The following MAP3K6 variants were observed in gnomAD, a reference collection of about 807,000 sequenced individuals.
MAP3K6 encodes the protein mitogen-activated protein kinase kinase kinase 6.
Under a neutral mutation model 147.1 loss-of-function variants are expected in MAP3K6, and 105 were observed. The observed-to-expected ratio is 0.71, with a 90% CI of 0.61 to 0.84. The LOEUF is 0.84. Ranked by LOEUF, MAP3K6 falls within the 40% of genes least tolerant of loss-of-function variation. The pLI is 0.00. For synonymous variants in MAP3K6, 695 were observed against 732.4 expected (o/e 0.95, Z 0.82); for missense variants, 1,569 against 1,715.0 (o/e 0.91, Z 1.50).
In MAP3K6 at chr1:27,362,928, C is replaced by T. The variant is rs777184773; in HGVS notation, c.1065G>A (p.Met355Ile). The T allele has an allele frequency of 5.0e-6, 8 of 1,614,050 alleles. No individual in the cohort carries two copies. The East Asian group carries it at 1.6e-4, about 31-fold the overall frequency. ...EGSVAPDLYCMCGRIYKDMFF... is the reference protein window; with the variant it reads ...EGSVAPDLYCICGRIYKDMFF... ...ACATGTCCTTGTAGATACGGCCACA[C>T]ATGCAGTACAGATCGGGCGCCACAG... Residue 355 changes from methionine to isoleucine, a missense_variant, in exon 7 of 29, where the codon ATG becomes ATA. Physicochemically the swap from Met to Ile is conservative, Grantham distance 10 (BLOSUM62 1). Coordinates refer to ENST00000357582, the MANE Select transcript of MAP3K6 (RefSeq NM_004672.5).
At chr1:27,363,364 G>A (rs1490341562) in intron 6 of MAP3K6, 78 bp downstream of exon 6, 2 of 1,201,340 alleles carry the variant, frequency 1.7e-6, no homozygotes, top group Non-Finnish European at 2.4e-6. Context: ...ATCCCAGACA[G>A]CAATGGCTTT....
In MAP3K6 at chr1:27,356,263, A is replaced by G. The variant is rs945574147; in HGVS notation, c.3637+125T>C. ...GCTAGAAGCTGCCTCGAACCCACCA[A>G]TAATGTTCTCCCGCCAAGGCCCGCT... On this transcript the variant is annotated intron_variant, in intron 26 of 28. Transcript: ENST00000357582. The G allele has an allele frequency of 3.6e-6, 4 of 1,120,386 alleles. No homozygotes were observed. In the African/African-American group the frequency reaches 4.7e-5, roughly 13 times the overall value. The allele number at this position is 1,120,386 out of a possible 1,614,324, so 69.4% of individuals were successfully genotyped here.
At position 27,360,788 on chromosome 1, in the gene MAP3K6, G is replaced by A; in HGVS notation, c.1971C>T (p.Gly657=). Residue 657 remains glycine, a synonymous_variant, in exon 15 of 29, where the codon GGC becomes GGT. Coordinates refer to ENST00000357582, the MANE Select transcript of MAP3K6 (RefSeq NM_004672.5). This position sits in a 1 kb window ranked among gnomAD's most constrained non-coding sequence, Gnocchi z 4.5. Reference sequence around the variant, plus strand: ...GGCCCGCGTACACCACCCCATACGTGCCCTTGCCCAGCACCAGCCGCTCGC... The same window carrying A: ...GGCCCGCGTACACCACCCCATACGTACCCTTGCCCAGCACCAGCCGCTCGC... The part of the protein sequence containing the change: ...ETGERLVLGK[G]TYGVVYAGRD... 6.2e-7 allele frequency: 1 copy of A among 1,612,724 alleles called. No homozygotes were observed. The highest frequency in any genetic ancestry group is 8.5e-7 in the Non-Finnish European group (1 of 1,179,876).
At position 27,361,810 on chromosome 1, in the gene MAP3K6, T is replaced by G; in HGVS notation, c.1473A>C (p.Pro491=). ...FLLYQHFRPT[P]EPPGGPPRRA... ...GGCGTGGTGGCCCTCCAGGGGGCTC[T>G]GGCGTGGGCCTGAAGTGCTGGTAGA... The change falls in exon 10 of 29, where the codon CCA becomes CCC. Residue 491 remains proline, a synonymous_variant. Coordinates refer to ENST00000357582, the MANE Select transcript of MAP3K6 (RefSeq NM_004672.5). 7.5e-6 allele frequency: 12 copies of G among 1,606,900 alleles called. No homozygotes were observed. Among genetic ancestry groups the G allele is most frequent in the Non-Finnish European group, 1.0e-5 (12 of 1,176,246 alleles).
chr1:27,366,254 T>A lies in MAP3K6; in HGVS notation c.340+4A>T. 1 of 1,318,206 alleles carries A rather than the reference T, an allele frequency of 7.6e-7. No individual in the cohort carries two copies. The highest frequency in any genetic ancestry group is 9.7e-7 in the Non-Finnish European group (1 of 1,035,278). The allele number at this position is 1,318,206 out of a possible 1,614,324, so 81.7% of individuals were successfully genotyped here. A position where few individuals can be genotyped will look rare whatever the true frequency, so the allele number is the denominator to read the frequency against. The stretch of plus-strand genomic sequence containing the variant: ...GGATCCGGCCCCGCCCCCAGCGCTC[T>A]CACCCGCGTTGTAGAAGGCATCCAG... On this transcript the variant is annotated splice_donor_region_variant and intron_variant, in intron 1 of 28. Transcript: ENST00000357582. This position sits in a 1 kb window ranked among gnomAD's most constrained non-coding sequence, Gnocchi z 5.5.
At chr1:27,363,618 T>G in intron 5 of MAP3K6, 70 bp from the exon 6 acceptor site, 1 of 1,248,184 alleles carries the variant, frequency 8.0e-7, no homozygotes, top group South Asian at 1.4e-5. Flanking sequence ...GCCAGGGTCC[T>G]GTCCCACTCC....
At position 27,361,806 on chromosome 1, in the gene MAP3K6, G is replaced by C. The variant is rs777288900; in HGVS notation, c.1477C>G (p.Pro493Ala). The C allele has an allele frequency of 3.7e-6, 6 of 1,607,626 alleles. No individual in the cohort carries two copies. The African/African-American group carries it at 8.0e-5, about 21-fold the overall frequency. ...LYQHFRPTPE[P>A]PGGPPRRAHF... ...GCACGGCGTGGTGGCCCTCCAGGGG[G>C]CTCTGGCGTGGGCCTGAAGTGCTGG... The change falls in exon 10 of 29, where the codon CCC becomes GCC. Residue 493 changes from proline (P) to alanine (A), a missense_variant. Coordinates refer to ENST00000357582, the MANE Select transcript of MAP3K6 (RefSeq NM_004672.5).
chr1:27,356,297 G>A (rs1455922507), intron 26 of MAP3K6, 91 bp downstream of exon 26: 1 of 1,296,084 alleles, frequency 7.7e-7, no homozygotes, highest in East Asian at 2.5e-5. Context: ...CTCAGGTGAT[G>A]AGCCCAAGTC....
In MAP3K6 at chr1:27,364,148, CCACCATACCCT is replaced by C; in HGVS notation, c.695+45_695+55del. 1 of 1,597,944 alleles carries C rather than the reference CCACCATACCCT, an allele frequency of 6.3e-7. No homozygotes were observed. Among genetic ancestry groups the C allele is most frequent in the South Asian group, 1.1e-5 (1 of 89,776 alleles). On this transcript the variant is annotated intron_variant, in intron 4 of 28. Coordinates refer to ENST00000357582, the MANE Select transcript of MAP3K6 (RefSeq NM_004672.5). This position sits in a 1 kb window ranked among gnomAD's most constrained non-coding sequence, Gnocchi z 4.4. ...GTGGGGCCTGTACCTCAGCCCCAGC[CCACCATACCCT>C]CACCAGCCCCCTCCTGGAGCACCCT...
At position 27,361,543 on chromosome 1, in the gene MAP3K6, T is replaced by A; in HGVS notation, c.1663A>T (p.Ser555Cys). The change falls in exon 11 of 29, where the codon AGC becomes TGC. Residue 555 changes from serine to cysteine, a missense_variant. Coordinates refer to ENST00000357582, the MANE Select transcript of MAP3K6 (RefSeq NM_004672.5). Reference sequence around the variant, plus strand: ...ACCTGGGTCTCAGGCTCCAGCAGGCTCAGGGTCACTGTGCTTACTGGGTCA... The same window carrying A: ...ACCTGGGTCTCAGGCTCCAGCAGGCACAGGGTCACTGTGCTTACTGGGTCA... The part of the protein sequence containing the change: ...GTDPVSTVTL[S>C]LLEPETQDIP... The A allele has an allele frequency of 6.2e-7, 1 of 1,614,158 alleles. No homozygotes were observed. Among genetic ancestry groups the A allele is most frequent in the South Asian group, 1.1e-5 (1 of 91,084 alleles).
intron 6 of MAP3K6, among the ~76,000 whole-genome samples, 166 bp downstream of exon 6, chr1:27,363,276 C>T (rs1264114154): frequency 2.0e-5 from 3 of 152,048 alleles, no homozygotes; most frequent in Non-Finnish European, 2.9e-5. Flanking sequence ...CCACCCCGAC[C>T]CAGGCAGCAG....
In MAP3K6 at chr1:27,366,129, T is replaced by G. The variant is rs1056890191; in HGVS notation, c.340+129A>C. On this transcript the variant is annotated intron_variant, in intron 1 of 28. Coordinates refer to ENST00000357582, the MANE Select transcript of MAP3K6 (RefSeq NM_004672.5). The surrounding 1 kb of genome is among the most constrained non-coding windows in gnomAD (Gnocchi z 5.5). ...CGGCCCTGTCCCAAGCCCTTCAGCT[T>G]TAGCTCACTTTAAGTCCCCTAGACC... 6.0e-6 allele frequency: 6 copies of G among 1,004,806 alleles called. No individual in the cohort carries two copies. The highest frequency in any genetic ancestry group is 8.7e-5 in the Admixed American group (2 of 22,942). 62.2% of individuals were successfully genotyped at this position (1,004,806 alleles called of 1,614,324 possible).
chr1:27,358,619 G>A lies in MAP3K6; in HGVS notation c.2584-8C>T, dbSNP rs1385028069. 1 of 1,613,614 alleles carries A rather than the reference G, an allele frequency of 6.2e-7. No individual in the cohort carries two copies. Among genetic ancestry groups the A allele is most frequent in the African/African-American group, 1.3e-5 (1 of 75,040 alleles). Reference sequence around the variant, plus strand: ...GACCTTGTACATACCCACCTGTGGGGGGAGGGTGAACAAGGGTGACATTCA... The same window carrying A: ...GACCTTGTACATACCCACCTGTGGGAGGAGGGTGAACAAGGGTGACATTCA... On this transcript the variant is annotated splice_polypyrimidine_tract_variant and splice_region_variant and intron_variant, in intron 19 of 28. Coordinates refer to ENST00000357582, the MANE Select transcript of MAP3K6 (RefSeq NM_004672.5). This position sits in a 1 kb window ranked among gnomAD's most constrained non-coding sequence, Gnocchi z 6.2.
In MAP3K6 at chr1:27,364,117, A is replaced by G; in HGVS notation, c.696-32T>C. ...CCCAGGGTAGGGGAGGCAGGGAGAGAGAATGGTGGGGCCTGTACCTCAGCC... is the reference window on the plus strand; with the variant it reads ...CCCAGGGTAGGGGAGGCAGGGAGAGGGAATGGTGGGGCCTGTACCTCAGCC... On this transcript the variant is annotated intron_variant, in intron 4 of 28. Transcript: ENST00000357582. This position sits in a 1 kb window ranked among gnomAD's most constrained non-coding sequence, Gnocchi z 4.4. 1 of 1,605,414 alleles carries G rather than the reference A, an allele frequency of 6.2e-7. No homozygotes were observed. Among genetic ancestry groups the G allele is most frequent in the East Asian group, 2.2e-5 (1 of 44,712 alleles).
chr1:27,364,716 T>C lies in MAP3K6; in HGVS notation c.481-32A>G. 2 of 1,614,122 alleles carry C rather than the reference T, an allele frequency of 1.2e-6. No individual in the cohort carries two copies. Among genetic ancestry groups the C allele is most frequent in the Non-Finnish European group, 1.7e-6 (2 of 1,179,996 alleles). On this transcript the variant is annotated intron_variant, in intron 2 of 28. Coordinates refer to ENST00000357582, the MANE Select transcript of MAP3K6 (RefSeq NM_004672.5). The surrounding 1 kb of genome is among the most constrained non-coding windows in gnomAD (Gnocchi z 4.4). ...GAGGCAGACAGTCAGATACTGGTGT[T>C]CTGTGTAGGCCTTACCCCAGCCCTG...
rs1215893364 is a variant in MAP3K6 at position 27,366,010 on chromosome 1, TA to T, written c.340+247del. 7.2e-6 allele frequency among the ~76,000 whole-genome samples: 1 copy of T among 138,338 alleles called. No individual in the cohort carries two copies. Among genetic ancestry groups the T allele is most frequent in the Non-Finnish European group, 1.5e-5 (1 of 65,948 alleles). The allele number at this position is 138,338 out of a possible 152,430, so 90.8% of individuals were successfully genotyped here. A position where few individuals can be genotyped will look rare whatever the true frequency, so the allele number is the denominator to read the frequency against. ...GGCACCGCTCCGACTGAAGGGTGCC[TA>T]AGCCCCAACCTCGAGCCCTAGAGCC... On this transcript the variant is annotated intron_variant, in intron 1 of 28. Coordinates refer to ENST00000357582, the MANE Select transcript of MAP3K6 (RefSeq NM_004672.5). The surrounding 1 kb of genome is among the most constrained non-coding windows in gnomAD (Gnocchi z 5.5).
At chr1:27,355,571 G>A in intron 28 of MAP3K6, 98 bp downstream of exon 28, 1 of 1,577,620 alleles carries the variant, frequency 6.3e-7, no homozygotes, top group Non-Finnish European at 8.7e-7. Context: ...AGGGGACCCA[G>A]GTGCCCCTTT....
Position 27,356,398 on chromosome 1 carries a change from T to C in MAP3K6, c.3627A>G (p.Pro1209=). The part of the protein sequence containing the change: ...NEEARTYVLA[P]EPPTALSTDQ... ...CCAAGGCCCACTCACTTGGAGGCTC[T>C]GGGGCCAGGACATAGGTCCGGGCTT... The change falls in exon 26 of 29, where the codon CCA becomes CCG. Residue 1209 remains proline (P), a synonymous_variant. Transcript: ENST00000357582. The C allele has an allele frequency of 6.2e-7, 1 of 1,608,788 alleles. No individual in the cohort carries two copies. The highest frequency in any genetic ancestry group is 8.5e-7 in the Non-Finnish European group (1 of 1,177,744).
intron 24 of MAP3K6, 101 bp from the exon 25 acceptor site, chr1:27,356,850 C>T (rs1309179339): frequency 2.1e-5 from 31 of 1,468,196 alleles, no homozygotes; most frequent in Non-Finnish European, 2.7e-5. Flanking sequence ...GGGCAGGCCC[C>T]AGGCGGTGCC....
Sources: allele counts gnomAD v4.1 joint callset (sites outside exome capture counted in the v4.1 genomes callset), GRCh38; gene constraint gnomAD v4.1.1; non-coding constraint Gnocchi (gnomAD v3.1); transcripts MANE v1.5; gene names NCBI Gene and HGNC (gene_info 2026-07-23, HGNC 2026-07-21).